ITGBL1: variants seen among roughly 807,000 people sequenced by gnomAD.
The protein encoded by ITGBL1 is integrin beta-like protein 1.
Under a neutral mutation model 68.5 loss-of-function variants are expected in ITGBL1, and 51 were observed. That is an observed-to-expected ratio of 0.74 (90% CI 0.59 to 0.94). The LOEUF is 0.94. Among genes scored for constraint, ITGBL1 ranks in the 40% least tolerant of loss-of-function variants. The pLI is 0.00. For synonymous variants in ITGBL1, 209 were observed against 227.3 expected, an observed-to-expected ratio of 0.92 and a Z score of 0.72; for missense variants, 649 against 647.4, an observed-to-expected ratio of 1.00 and a Z score of -0.03.
chr13:101,463,079 G>T (rs2048338855), intron 2 of ITGBL1, among the ~76,000 whole-genome samples: 1 of 151,862 alleles, frequency 6.6e-6, no homozygotes, highest in South Asian at 2.1e-4. Context: ...GACCAAATAG[G>T]GATAATGACA....
intron 2 of ITGBL1, among the ~76,000 whole-genome samples, chr13:101,494,713 G>A (rs1032340143): frequency 2.6e-5 from 4 of 152,134 alleles, no homozygotes; most frequent in Non-Finnish European, 4.4e-5. Flanking sequence ...AAAATGATGA[G>A]TATGAAGACA....
At chr13:101,533,099 T>C (rs1486985307) in intron 2 of ITGBL1, among the ~76,000 whole-genome samples, 1 of 152,190 alleles carries the variant, frequency 6.6e-6, no homozygotes, top group Non-Finnish European at 1.5e-5. Context: ...ATTAATTTTA[T>C]CATTAAAAGG....
chr13:101,694,051 G>A (rs9554819), intron 8 of ITGBL1, among the ~76,000 whole-genome samples: 2,394 of 152,274 alleles, frequency 0.016, 49 homozygotes, highest in East Asian at 0.065. Context: ...ATAGAGTGAG[G>A]TTGGAGAAGT....
chr13:101,466,615 C>T (rs1174176315), intron 2 of ITGBL1, among the ~76,000 whole-genome samples: 1 of 152,198 alleles, frequency 6.6e-6, no homozygotes, highest in African/African-American at 2.4e-5. Flanking sequence ...ACACCAAACA[C>T]ATTTTTCATG....
At chr13:101,712,107 G>T (rs539976384) in intron 9 of ITGBL1, 1 of 152,114 alleles carries the variant, frequency 6.6e-6, no homozygotes, top group South Asian at 2.1e-4. Flanking sequence ...TGCTATAATA[G>T]GTCCTAATAA....
rs753335269 is a variant in ITGBL1, at chr13:101,706,765, C to T, written c.1142C>T (p.Thr381Ile). 3 of 1,614,108 alleles carry T rather than the reference C, an allele frequency of 1.9e-6. No homozygotes were observed. In the South Asian group the frequency reaches 3.3e-5, roughly 18 times the overall value. ...LDGVVCGGHG[T>I]CSCGRCVCER... ...TGTGGTTGCTTCACAGGCCACGGCACATGTTCCTGTGGTCGCTGTGTTTGT... is the reference window on the plus strand; with the variant it reads ...TGTGGTTGCTTCACAGGCCACGGCATATGTTCCTGTGGTCGCTGTGTTTGT... The change falls in exon 9 of 11, where the codon ACA (threonine) becomes ATA (isoleucine). Residue 381 changes from threonine (T) to isoleucine (I), a missense_variant. Coordinates refer to ENST00000376180, the MANE Select transcript of ITGBL1 (RefSeq NM_004791.3).
chr13:101,662,751 G>C (rs992169625), intron 7 of ITGBL1, among the ~76,000 whole-genome samples: 2 of 151,690 alleles, frequency 1.3e-5, no homozygotes, highest in Non-Finnish European at 2.9e-5. Context: ...CGGTAACTAA[G>C]TTTGTCCCTG....
intron 7 of ITGBL1, among the ~76,000 whole-genome samples, chr13:101,653,894 T>C (rs1432310121): frequency 7.2e-6 from 1 of 139,298 alleles, no homozygotes; most frequent in Non-Finnish European, 1.5e-5. Flanking sequence ...GTATTTTTAG[T>C]AGAGACAGGG....
intron 2 of ITGBL1, among the ~76,000 whole-genome samples, chr13:101,539,099 C>T (rs1266614876): frequency 9.0e-4 from 119 of 132,750 alleles, no homozygotes; most frequent in African/African-American, 3.2e-3. Context: ...ATGTGCACAA[C>T]GTGCAAGTTA....
At chr13:101,664,398 G>A (rs1566781887) in intron 7 of ITGBL1, among the ~76,000 whole-genome samples, 1 of 151,988 alleles carries the variant, frequency 6.6e-6, no homozygotes, top group African/African-American at 2.4e-5. Context: ...TTATTTACAG[G>A]TATCCTGAGA....
intron 2 of ITGBL1, among the ~76,000 whole-genome samples, chr13:101,458,080 C>A (rs1364944295): frequency 6.6e-6 from 1 of 152,106 alleles, no homozygotes; most frequent in African/African-American, 2.4e-5. Context: ...AGGCTCTGTC[C>A]TGTTGAAGGG....
At chr13:101,563,191 TAGAAC>T (rs1370546666) in intron 2 of ITGBL1, among the ~76,000 whole-genome samples, 2 of 151,156 alleles carry the variant, frequency 1.3e-5, no homozygotes, top group African/African-American at 4.8e-5. Flanking sequence ...ATGTTTATAT[TAGAAC>T]AGAAGAAGTG....
chr13:101,686,216 C>T (rs908135028), intron 7 of ITGBL1, among the ~76,000 whole-genome samples: 1 of 152,150 alleles, frequency 6.6e-6, no homozygotes, highest in Non-Finnish European at 1.5e-5. Flanking sequence ...ACCACCACTG[C>T]TTTCCCCTAT....
In ITGBL1 at chr13:101,600,615, A is replaced by G. The variant is rs2030308837; in HGVS notation, c.1015+2316A>G. On this transcript the variant is annotated intron_variant, in intron 7 of 10. Coordinates refer to ENST00000376180, the MANE Select transcript of ITGBL1 (RefSeq NM_004791.3). ...TTATTATTTTGAGATACATCCCATC[A>G]ATACCTAATTTATTGAGAGTTTTTA... Among the ~76,000 whole-genome samples, 2 of 152,180 alleles carry G rather than the reference A, an allele frequency of 1.3e-5. 1 individual carries two copies. The highest frequency in any genetic ancestry group is 4.1e-4 in the South Asian group (2 of 4,826).
intron 1 of ITGBL1, 96 bp from the exon 2 acceptor site, chr13:101,453,787 G>A (rs1453077309): frequency 2.6e-6 from 2 of 755,918 alleles, no homozygotes; most frequent in Non-Finnish European, 3.6e-6. Context: ...TTGTACGTCT[G>A]CACCTGGAGG....
At chr13:101,608,155 A>ATTTT (rs999328654) in intron 7 of ITGBL1, among the ~76,000 whole-genome samples, 67 of 152,156 alleles carry the variant, frequency 4.4e-4, no homozygotes, top group African/African-American at 1.3e-3. Context: ...CCATGTCCTC[A>ATTTT]TTTTTATCAA....
chr13:101,594,457 A>G (rs1215952052), intron 6 of ITGBL1, among the ~76,000 whole-genome samples: 1 of 152,210 alleles, frequency 6.6e-6, no homozygotes, highest in East Asian at 1.9e-4. Flanking sequence ...ACTTATATGT[A>G]AAACCTGAAA....
At chr13:101,585,501 G>T (rs1452611969) in intron 6 of ITGBL1, among the ~76,000 whole-genome samples, 2 of 152,150 alleles carry the variant, frequency 1.3e-5, no homozygotes, top group Admixed American at 1.3e-4. Context: ...CATGATCTCA[G>T]CTCACTGCGA....
rs1266814510 is a variant in ITGBL1 at position 101,703,712 on chromosome 13, T to G, written c.1133-3044T>G. Among the ~76,000 whole-genome samples the G allele has an allele frequency of 4.6e-5, 7 of 152,118 alleles. No individual in the cohort carries two copies. The East Asian group carries it at 1.4e-3, about 29-fold the overall frequency. The stretch of plus-strand genomic sequence containing the variant: ...AAATGAGACTCAAAACATCATGAAC[T>G]GGTTGATTGAAAGGATAGCTGTTAC... On this transcript the variant is annotated intron_variant, in intron 8 of 10. Coordinates refer to ENST00000376180, the MANE Select transcript of ITGBL1 (RefSeq NM_004791.3).
Sources: gnomAD v4.1 joint callset for allele counts (sites outside exome capture counted in the v4.1 genomes callset) on GRCh38, gnomAD v4.1.1 for gene constraint, MANE v1.5 for transcripts, NCBI Gene and HGNC (gene_info 2026-07-23, HGNC 2026-07-21) for gene names.